ZNF83: variants seen among roughly 807,000 people sequenced by gnomAD.
ZNF83 encodes zinc finger protein 816B.
For synonymous variants in ZNF83, 209 were observed against 213.0 expected (o/e 0.98, Z 0.17); for missense variants, 552 against 629.9 (o/e 0.88, Z 1.32).
intron 2 of ZNF83, chr19:52,618,671 AC>A: frequency 1.8e-6 from 1 of 542,410 alleles, no homozygotes. Context: ...TGCTGGGATT[AC>A]AGGCATGAGT....
intron 2 of ZNF83, among the ~76,000 whole-genome samples, chr19:52,629,650 T>C (rs1158245052): frequency 1.3e-5 from 2 of 152,180 alleles, no homozygotes; most frequent in Non-Finnish European, 2.9e-5. Context: ...TTAATGCTCC[T>C]TTTTCTTTAT....
At chr19:52,680,814 G>T (rs554126086) in intron 1 of ZNF83, among the ~76,000 whole-genome samples, 4 of 148,904 alleles carry the variant, frequency 2.7e-5, no homozygotes, top group East Asian at 2.0e-4. Flanking sequence ...GGGTTTCACC[G>T]TGTTAGCCAG....
Position 52,627,021 on chromosome 19 carries a change from T to A in ZNF83, c.-234+8045A>T, listed in dbSNP as rs1285969507. On this transcript the variant is annotated intron_variant, in intron 2 of 2. Transcript: ENST00000301096. ...TGACCAACCTTATGACTTTCCATTATGACTTGTTCCTGCCCTGCCCCAACT... is the reference window on the plus strand; with the variant it reads ...TGACCAACCTTATGACTTTCCATTAAGACTTGTTCCTGCCCTGCCCCAACT... Among the ~76,000 whole-genome samples, 3 of 152,190 alleles carry A rather than the reference T, an allele frequency of 2.0e-5. No homozygotes were observed. In the East Asian group the frequency reaches 5.8e-4, roughly 29 times the overall value.
chr19:52,674,688 A>T (rs550835010), intron 1 of ZNF83, among the ~76,000 whole-genome samples: 2 of 152,280 alleles, frequency 1.3e-5, no homozygotes, highest in East Asian at 3.9e-4. Flanking sequence ...TTAAACTAAG[A>T]TATACTTAGG....
intron 2 of ZNF83, among the ~76,000 whole-genome samples, chr19:52,627,306 G>C (rs1041378698): frequency 6.6e-6 from 1 of 151,930 alleles, no homozygotes; most frequent in Non-Finnish European, 1.5e-5. Context: ...TCACACAGAC[G>C]AGCATGACAC....
chr19:52,668,389 A>T (rs1326776455), intron 1 of ZNF83, among the ~76,000 whole-genome samples: 1 of 152,102 alleles, frequency 6.6e-6, no homozygotes, highest in African/African-American at 2.4e-5. Flanking sequence ...TAGTCTATCT[A>T]TCTTTTCCTT....
intron 1 of ZNF83, chr19:52,636,918 A>C (rs139513589): frequency 7.9e-5 from 12 of 151,770 alleles, no homozygotes; most frequent in African/African-American, 2.9e-4. Flanking sequence ...TCAGTCTCCT[A>C]AAGTGCTGGG....
chr19:52,615,043 C>T (rs901877656), intron 2 of ZNF83, among the ~76,000 whole-genome samples: 1 of 151,894 alleles, frequency 6.6e-6, no homozygotes, highest in African/African-American at 2.4e-5. Flanking sequence ...TATGGCCAAA[C>T]CACTTACATT....
chr19:52,619,850 G>A (rs1355594741), intron 2 of ZNF83, among the ~76,000 whole-genome samples: 1 of 152,028 alleles, frequency 6.6e-6, no homozygotes, highest in African/African-American at 2.4e-5. Context: ...TCACACCACT[G>A]CACTCCAGCC....
At chr19:52,652,943 T>G in intron 3 of ZNF83, 1 of 1,225,662 alleles carries the variant, frequency 8.2e-7, no homozygotes, top group Admixed American at 1.7e-5. Context: ...AAGGATGACA[T>G]ATGACTGAAG....
intron 1 of ZNF83, among the ~76,000 whole-genome samples, chr19:52,661,032 T>C (rs2061573205): frequency 1.3e-5 from 2 of 152,002 alleles, no homozygotes; most frequent in Admixed American, 1.3e-4. Context: ...GCACAGCTAA[T>C]TTTTGTATTT....
chr19:52,626,685 C>T (rs532930510), intron 2 of ZNF83, among the ~76,000 whole-genome samples: 31 of 151,926 alleles, frequency 2.0e-4, no homozygotes, highest in East Asian at 1.9e-3. Context: ...TACCATCCCC[C>T]GCACCAAGAT....
At chr19:52,637,791 G>A (rs1408708421) in intron 1 of ZNF83, among the ~76,000 whole-genome samples, 3 of 152,306 alleles carry the variant, frequency 2.0e-5, no homozygotes, top group Middle Eastern at 3.4e-3. Context: ...CCCAACGCGG[G>A]TTCAGGGGAA....
At chr19:52,619,902 T>C (rs2060470932) in intron 2 of ZNF83, among the ~76,000 whole-genome samples, 1 of 151,874 alleles carries the variant, frequency 6.6e-6, no homozygotes, top group Admixed American at 6.6e-5. Flanking sequence ...AAAAAAAATT[T>C]AGCTGGGCAT....
chr19:52,676,042 GCTCTCC>G (rs376784848), intron 1 of ZNF83, among the ~76,000 whole-genome samples: 6 of 152,018 alleles, frequency 3.9e-5, no homozygotes, highest in Admixed American at 2.0e-4. Context: ...TACAGCTCTC[GCTCTCC>G]CTCTCCCTCT....
In ZNF83 at chr19:52,613,473, C is replaced by CA. The variant is rs748248143; in HGVS notation, c.1091dup (p.Ile365AspfsTer6). Reference sequence around the variant, plus strand: ...AAGGTTTCTCACCGGCATGAATTATCAGATGTTGGGCAAGGTATGAATTGC... The same window carrying CA: ...AAGGTTTCTCACCGGCATGAATTATCAAGATGTTGGGCAAGGTATGAATTGC... On this transcript the variant is annotated frameshift_variant, in exon 3 of 3. Coordinates refer to ENST00000301096, the Ensembl canonical transcript of ZNF83. 1.4e-5 allele frequency: 22 copies of CA among 1,613,844 alleles called. No homozygotes were observed. In the South Asian group the frequency reaches 2.1e-4, roughly 15 times the overall value.
intron 2 of ZNF83, among the ~76,000 whole-genome samples, chr19:52,633,461 C>G (rs934502860): frequency 2.8e-5 from 4 of 140,820 alleles, no homozygotes; most frequent in African/African-American, 1.1e-4. Flanking sequence ...CAAAAATACA[C>G]GTGTACGAGA....
rs191906816 is a variant in ZNF83, at chr19:52,621,078, T to C, written c.-233-6281A>G. Among the ~76,000 whole-genome samples the C allele has an allele frequency of 8.5e-5, 13 of 152,300 alleles. No homozygotes were observed. The East Asian group carries it at 2.5e-3, about 29-fold the overall frequency. On this transcript the variant is annotated intron_variant, in intron 2 of 2. Coordinates refer to ENST00000301096, the Ensembl canonical transcript of ZNF83. The stretch of plus-strand genomic sequence containing the variant: ...ACAGCCTTGTTGCTCACACAAAACC[T>C]GTTTGGTGGTCTCTTCACAGGGACA...
chr19:52,619,651 CTT>C (rs1462172841), intron 2 of ZNF83, among the ~76,000 whole-genome samples: 5 of 150,328 alleles, frequency 3.3e-5, no homozygotes, highest in Non-Finnish European at 7.4e-5. Context: ...ATGTTAGAAA[CTT>C]TTATTGACAC....
Sources: gnomAD v4.1 joint callset for allele counts (sites outside exome capture counted in the v4.1 genomes callset) on GRCh38, gnomAD v4.1.1 for gene constraint, MANE v1.5 for transcripts, NCBI Gene and HGNC (gene_info 2026-07-23, HGNC 2026-07-21) for gene names.